Variants in C17orf78 observed in about 807,000 individuals in gnomAD.
The protein encoded by C17orf78 is uncharacterized protein C17orf78.
In C17orf78, 27 loss-of-function variants were observed where a neutral mutation model predicts 31.8. That is an observed-to-expected ratio of 0.85 (90% CI 0.63 to 1.17). The LOEUF is 1.17. Among genes scored for constraint, C17orf78 ranks in the 50% most tolerant of loss-of-function variants. The probability of loss-of-function intolerance (pLI) is 0.00; values close to 1 mark genes in which losing one functional copy is unlikely to be tolerated. For synonymous variants in C17orf78, 106 were observed against 115.1 expected (o/e 0.92, Z 0.51); for missense variants, 258 against 315.2 (o/e 0.82, Z 1.37).
chr17:37,385,237 C>T (rs1338952600), intron 3 of C17orf78, among the ~76,000 whole-genome samples: 5 of 152,044 alleles, frequency 3.3e-5, no homozygotes, highest in South Asian at 2.1e-4. Flanking sequence ...TTTGGGAGGC[C>T]GAGGTGGGCA....
At position 37,385,371 on chromosome 17, in the gene C17orf78, G is replaced by T. The variant is rs141897719; in HGVS notation, c.392-638G>T. ...ACCTGTAGTCTCAGCTACTTGGGAG[G>T]CTGAGGCACGAGAATCATTTTAACC... On this transcript the variant is annotated intron_variant, in intron 3 of 6. Coordinates refer to ENST00000615133, the MANE Select transcript of C17orf78 (RefSeq NM_173625.5). Among the ~76,000 whole-genome samples the T allele has an allele frequency of 3.6e-3, 545 of 152,234 alleles. 16 individuals are homozygous for T. The East Asian group carries it at 0.066, about 18-fold the overall frequency.
chr17:37,378,990 A>C, intron 2 of C17orf78, 147 bp from the exon 3 acceptor site: 1 of 953,608 alleles, frequency 1.0e-6, no homozygotes, highest in Admixed American at 2.9e-5. Flanking sequence ...GATTGCTTGG[A>C]GATCGAGGGA....
intron 3 of C17orf78, among the ~76,000 whole-genome samples, chr17:37,384,803 T>G (rs183044397): frequency 2.0e-4 from 30 of 152,338 alleles, no homozygotes; most frequent in African/African-American, 7.0e-4. Flanking sequence ...TATGATTTCA[T>G]GTACAGTGCC....
chr17:37,377,801 T>A, intron 1 of C17orf78, 78 bp from the exon 2 acceptor site: 3 of 1,217,164 alleles, frequency 2.5e-6, no homozygotes, highest in African/African-American at 1.5e-5. Context: ...CCCAGAATTC[T>A]AAAAAGTAAG....
rs1181087031 is a variant in C17orf78, at chr17:37,386,034, T to C, written c.417T>C (p.Cys139=). 6.2e-7 allele frequency: 1 copy of C among 1,600,662 alleles called. No individual in the cohort carries two copies. Among genetic ancestry groups the C allele is most frequent in the Admixed American group, 1.7e-5 (1 of 59,166 alleles). The change falls in exon 4 of 7, where the codon TGT becomes TGC. Residue 139 remains cysteine, a synonymous_variant. Transcript: ENST00000615133. ...CTTTTTTACCAGGGATCTCACAATG[T>C]AAAGTCCTGGGGGCTTCATCAGAGA... The part of the protein sequence containing the change: ...GKAFLPGISQ[C]KVLGASSETF...
At chr17:37,377,208 A>G (rs934143822) in intron 1 of C17orf78, among the ~76,000 whole-genome samples, 2 of 152,086 alleles carry the variant, frequency 1.3e-5, no homozygotes, top group Admixed American at 1.3e-4. Context: ...AGAAGAGAAA[A>G]TAAGCAGTAT....
At chr17:37,389,697 GAAAGAAAA>G (rs1436792820) in intron 6 of C17orf78, among the ~76,000 whole-genome samples, 1 of 151,172 alleles carries the variant, frequency 6.6e-6, no homozygotes, top group Non-Finnish European at 1.5e-5. Flanking sequence ...AAAAAAAAAA[GAAAGAAAA>G]AAAGAAAAAC....
intron 5 of C17orf78, 96 bp downstream of exon 5, chr17:37,388,890 T>C: frequency 6.8e-7 from 1 of 1,477,642 alleles, no homozygotes; most frequent in Non-Finnish European, 9.2e-7. Context: ...GCATAGACTT[T>C]GGAATTTGAG....
intron 3 of C17orf78, among the ~76,000 whole-genome samples, chr17:37,383,552 C>A (rs1302907006): frequency 1.3e-5 from 2 of 152,002 alleles, no homozygotes; most frequent in Non-Finnish European, 2.9e-5. Flanking sequence ...CCCAAAAAAC[C>A]TATTTATTTA....
At chr17:37,388,975 A>G (rs2050671849) in intron 5 of C17orf78, among the ~76,000 whole-genome samples, 181 bp downstream of exon 5, 1 of 152,180 alleles carries the variant, frequency 6.6e-6, no homozygotes, top group South Asian at 2.1e-4. Context: ...CAGTGGCCTC[A>G]TGTGTAAAAT....
chr17:37,378,231 C>T (rs2050092753), intron 2 of C17orf78, among the ~76,000 whole-genome samples: 1 of 152,182 alleles, frequency 6.6e-6, no homozygotes, highest in Admixed American at 6.5e-5. Flanking sequence ...AATCTATGAG[C>T]ATTTCTCTGT....
chr17:37,390,236 A>AT (rs60155205), intron 6 of C17orf78, among the ~76,000 whole-genome samples: 16 of 50,032 alleles, frequency 3.2e-4, no homozygotes, highest in African/African-American at 2.4e-3. Context: ...AATTATATAT[A>AT]ATATATTATA....
At chr17:37,382,634 G>A (rs2050347854) in intron 3 of C17orf78, among the ~76,000 whole-genome samples, 2 of 152,264 alleles carry the variant, frequency 1.3e-5, no homozygotes, top group South Asian at 4.1e-4. Flanking sequence ...GGCCGAGGCA[G>A]GCGGATCATG....
chr17:37,383,242 G>A (rs1286953206), intron 3 of C17orf78, among the ~76,000 whole-genome samples: 2 of 152,074 alleles, frequency 1.3e-5, no homozygotes, highest in African/African-American at 4.8e-5. Flanking sequence ...TGAGACTTGG[G>A]GCAATTAAGG....
At chr17:37,385,510 G>C (rs2050487850) in intron 3 of C17orf78, among the ~76,000 whole-genome samples, 1 of 151,926 alleles carries the variant, frequency 6.6e-6, no homozygotes, top group South Asian at 2.1e-4. Context: ...AAATCAAGGA[G>C]TACATGAAGC....
intron 6 of C17orf78, among the ~76,000 whole-genome samples, chr17:37,390,322 A>ATCTATATATC (rs1555672346): frequency 2.6e-5 from 1 of 38,086 alleles, no homozygotes; most frequent in African/African-American, 1.2e-4. Context: ...ATATATATAT[A>ATCTATATATC]TATATATATA....
At position 37,376,167 on chromosome 17, in the gene C17orf78, C is replaced by T. The variant is rs2049994279; in HGVS notation, c.58+17C>T. The T allele has an allele frequency of 6.3e-7, 1 of 1,597,780 alleles. No individual in the cohort carries two copies. The highest frequency in any genetic ancestry group is 8.6e-7 in the Non-Finnish European group (1 of 1,165,406). ...ACAAGAAAGGTATGTAATTCTCTAG[C>T]CTAATCTCCTGGAAAATACAGAGAG... On this transcript the variant is annotated intron_variant, in intron 1 of 6. Coordinates refer to ENST00000615133, the MANE Select transcript of C17orf78 (RefSeq NM_173625.5).
chr17:37,378,167 T>A (rs914274106), intron 2 of C17orf78, among the ~76,000 whole-genome samples: 6 of 152,090 alleles, frequency 3.9e-5, no homozygotes, highest in African/African-American at 1.4e-4. Flanking sequence ...CTCAAATGGA[T>A]GGAGATGAAA....
chr17:37,377,385 G>A (rs550243264), intron 1 of C17orf78, among the ~76,000 whole-genome samples: 3 of 152,158 alleles, frequency 2.0e-5, no homozygotes, highest in East Asian at 1.9e-4. Context: ...AGGGCCGGGC[G>A]TGGTGGCTCA....
Sources: allele counts gnomAD v4.1 joint callset (sites outside exome capture counted in the v4.1 genomes callset), GRCh38; gene constraint gnomAD v4.1.1; transcripts MANE v1.5; gene names NCBI Gene and HGNC (gene_info 2026-07-23, HGNC 2026-07-21).